The following RAD54L variants were observed in gnomAD, a reference collection of about 807,000 sequenced individuals.
The protein encoded by RAD54L is RAD54 like, also known as DNA repair and recombination protein RAD54-like.
A neutral mutation model predicts 91.6 loss-of-function variants in RAD54L; 74 were observed. That is an observed-to-expected ratio of 0.81 (90% CI 0.67 to 0.98). The LOEUF (loss-of-function observed/expected upper bound fraction) is 0.98. Among genes scored for constraint, RAD54L ranks in the 50% least tolerant of loss-of-function variants. The pLI is 0.00. For synonymous variants in RAD54L, 304 were observed against 349.7 expected, an observed-to-expected ratio of 0.87 and a Z score of 1.46; for missense variants, 887 against 945.7, an observed-to-expected ratio of 0.94 and a Z score of 0.81.
intron 9 of RAD54L, among the ~76,000 whole-genome samples, chr1:46,269,021 TC>T (rs1394252781): frequency 7.2e-5 from 11 of 152,150 alleles, no homozygotes; most frequent in African/African-American, 2.4e-4. Context: ...TGTATCAGCC[TC>T]CCAAACTGCT....
intron 3 of RAD54L, among the ~76,000 whole-genome samples, chr1:46,255,004 C>T (rs966190222): frequency 2.0e-5 from 3 of 152,050 alleles, no homozygotes; most frequent in Non-Finnish European, 4.4e-5. Flanking sequence ...AAATCAAAGG[C>T]AGAAAATATT....
chr1:46,259,621 C>G (rs1481996638), intron 4 of RAD54L, among the ~76,000 whole-genome samples: 1 of 151,814 alleles, frequency 6.6e-6, no homozygotes, highest in South Asian at 2.1e-4. Context: ...AAAAAAAATA[C>G]AAAAATTAGC....
At chr1:46,274,488 C>T in intron 15 of RAD54L, 50 bp from the exon 16 acceptor site, 2 of 1,593,478 alleles carry the variant, frequency 1.3e-6, no homozygotes, top group Non-Finnish European at 1.7e-6. Flanking sequence ...GAGCAGGATC[C>T]CAGTTTAGGC....
chr1:46,278,038 C>G (rs1489760838), intron 17 of RAD54L, 34 bp from the exon 18 acceptor site: 1 of 1,614,114 alleles, frequency 6.2e-7, no homozygotes, highest in African/African-American at 1.3e-5. Flanking sequence ...GAGATGGGAT[C>G]TGTAGTGACT....
chr1:46,262,248 AC>A lies in RAD54L; in HGVS notation c.891+864del, dbSNP rs373255875. Among the ~76,000 whole-genome samples, 75 of 151,912 alleles carry A rather than the reference AC, an allele frequency of 4.9e-4. No individual in the cohort carries two copies. In the East Asian group the frequency reaches 0.014, roughly 27 times the overall value. Reference sequence around the variant, plus strand: ...ATGGTGAAACCGTGTCTCTACTAAAACTACAAAAATTAGCCGAGCGTGGTGG... The same window carrying A: ...ATGGTGAAACCGTGTCTCTACTAAAATACAAAAATTAGCCGAGCGTGGTGG... On this transcript the variant is annotated intron_variant, in intron 8 of 17. Transcript: ENST00000371975.
chr1:46,261,292 GTCT>G lies in RAD54L; in HGVS notation c.802_804del (p.Ser268del). 6.2e-7 allele frequency: 1 copy of G among 1,613,352 alleles called. No homozygotes were observed. The highest frequency in any genetic ancestry group is 2.2e-5 in the East Asian group (1 of 44,858). On this transcript the variant is annotated inframe_deletion, in exon 8 of 18. Coordinates refer to ENST00000371975, the MANE Select transcript of RAD54L (RefSeq NM_003579.4). ...TCATGAACCAGCGTGGAGCCAGGGT[GTCT>G]TCTCCCATCCTCATCATTTCCTATG...
At chr1:46,271,212 T>A (rs939627659) in intron 10 of RAD54L, among the ~76,000 whole-genome samples, 2 of 152,140 alleles carry the variant, frequency 1.3e-5, no homozygotes, top group African/African-American at 4.8e-5. Flanking sequence ...GGGGACTGAC[T>A]TTTTCATGGG....
At chr1:46,267,775 G>T in intron 9 of RAD54L, 166 bp downstream of exon 9, 1 of 965,598 alleles carries the variant, frequency 1.0e-6, no homozygotes, top group Non-Finnish European at 1.6e-6. Context: ...CCATTGGGAG[G>T]CCTTGGATCT....
chr1:46,275,067 C>T (rs567071044), intron 16 of RAD54L, among the ~76,000 whole-genome samples: 85 of 152,310 alleles, frequency 5.6e-4, no homozygotes, highest in South Asian at 2.1e-3. Flanking sequence ...ACCATCCGTC[C>T]CATAGTTCCT....
chr1:46,263,284 C>T lies in RAD54L; in HGVS notation c.891+1899C>T, dbSNP rs552488666. On this transcript the variant is annotated intron_variant, in intron 8 of 17. Coordinates refer to ENST00000371975, the MANE Select transcript of RAD54L (RefSeq NM_003579.4). The surrounding 1 kb of genome is among the most constrained non-coding windows in gnomAD (Gnocchi z 4.3). ...AGGAAGCAGTGAGGGTGGCTGGGAG[C>T]TTCCTACTATAGAGAATTTCCCAGG... Among the ~76,000 whole-genome samples the T allele has an allele frequency of 2.8e-4, 42 of 152,254 alleles. No homozygotes were observed. In the South Asian group the frequency reaches 8.5e-3, roughly 31 times the overall value.
intron 3 of RAD54L, 143 bp downstream of exon 3, chr1:46,250,262 C>T (rs1231637581): frequency 9.0e-7 from 1 of 1,113,214 alleles, no homozygotes. Flanking sequence ...CTGCCCACAG[C>T]TGCTGGGGCC....
At chr1:46,248,450 A>G in intron 1 of RAD54L, 42 bp downstream of exon 1, 1 of 1,614,064 alleles carries the variant, frequency 6.2e-7, no homozygotes, top group Non-Finnish European at 8.5e-7. Context: ...GCCCTGGGTC[A>G]GGGTCTAGTA....
At chr1:46,261,171 G>A in intron 7 of RAD54L, 90 bp from the exon 8 acceptor site, 2 of 1,576,970 alleles carry the variant, frequency 1.3e-6, no homozygotes, top group South Asian at 2.3e-5. Context: ...TTGTTTCCAG[G>A]CTAAATTAAA....
At chr1:46,273,551 C>T in intron 13 of RAD54L, 73 bp from the exon 14 acceptor site, 1 of 1,611,730 alleles carries the variant, frequency 6.2e-7, no homozygotes, top group Admixed American at 1.7e-5. Context: ...TGTTTCAAGG[C>T]AGGATATCAA....
At chr1:46,268,687 C>T (rs1660333770) in intron 9 of RAD54L, among the ~76,000 whole-genome samples, 1 of 152,200 alleles carries the variant, frequency 6.6e-6, no homozygotes, top group Non-Finnish European at 1.5e-5. Context: ...TAAAGTTTAT[C>T]CACATTATGT....
Position 46,267,512 on chromosome 1 carries a change from G to A in RAD54L, c.945G>A (p.Leu315=), listed in dbSNP as rs372494747. The part of the protein sequence containing the change: ...ENQTYQALDS[L]NTSRRVLISG... The stretch of plus-strand genomic sequence containing the variant: ...AGACTTACCAAGCCCTGGACAGCTT[G>A]AACACCAGCCGGCGGGTGCTCATCT... Residue 315 remains leucine, a synonymous_variant, in exon 9 of 18, where the codon TTG becomes TTA. Transcript: ENST00000371975. The A allele has an allele frequency of 1.9e-5, 31 of 1,614,010 alleles. No homozygotes were observed. Among genetic ancestry groups the A allele is most frequent in the Non-Finnish European group, 2.5e-5 (30 of 1,180,044 alleles).
rs771081819 is a variant in RAD54L at position 46,267,463 on chromosome 1, A to G, written c.896A>G (p.His299Arg). 1.5e-5 allele frequency: 24 copies of G among 1,613,956 alleles called. No individual in the cohort carries two copies. Among genetic ancestry groups the G allele is most frequent in the Non-Finnish European group, 1.9e-5 (22 of 1,180,046 alleles). ...TGAATAAGGATTCTCTTGCAGGGAC[A>G]CAGGCTCAAGAACTCTGAGAATCAG... ...SVGLVICDEG[H>R]RLKNSENQTY... The change falls in exon 9 of 18, where the codon CAC (histidine) becomes CGC (arginine). Residue 299 changes from histidine (H) to arginine (R), a missense_variant. By Grantham distance (29) the His-to-Arg change is conservative (BLOSUM62 0). Coordinates refer to ENST00000371975, the MANE Select transcript of RAD54L (RefSeq NM_003579.4).
At chr1:46,270,103 C>T (rs953841681) in intron 9 of RAD54L, among the ~76,000 whole-genome samples, 3 of 151,576 alleles carry the variant, frequency 2.0e-5, no homozygotes, top group Non-Finnish European at 4.4e-5. Context: ...GGCACGGTGG[C>T]TCATGCCTGT....
At position 46,267,561 on chromosome 1, in the gene RAD54L, C is replaced by T. The variant is rs975533167; in HGVS notation, c.994C>T (p.Leu332=). The T allele has an allele frequency of 2.5e-6, 4 of 1,613,392 alleles. No homozygotes were observed. The highest frequency in any genetic ancestry group is 3.4e-6 in the Non-Finnish European group (4 of 1,179,482). ...CTCCGGAACTCCCATCCAGAATGAT[C>T]TGCTTGAGTATTTCAGCTTGGTACA... The part of the protein sequence containing the change: ...LISGTPIQND[L]LEYFSLVHFV... Residue 332 remains leucine, a synonymous_variant, in exon 9 of 18, where the codon CTG becomes TTG. Coordinates refer to ENST00000371975, the MANE Select transcript of RAD54L (RefSeq NM_003579.4).
Sources: allele counts gnomAD v4.1 joint callset (sites outside exome capture counted in the v4.1 genomes callset), GRCh38; gene constraint gnomAD v4.1.1; non-coding constraint Gnocchi (gnomAD v3.1); transcripts MANE v1.5; gene names NCBI Gene and HGNC (gene_info 2026-07-23, HGNC 2026-07-21).